ADARB2: variants seen among roughly 807,000 people sequenced by gnomAD.
The protein encoded by ADARB2 is inactive double-stranded RNA-specific editase B2.
ADARB2 carries 25 observed loss-of-function variants against 62.2 expected under a neutral mutation model. The ratio of observed to expected loss-of-function variants is 0.40; its 90% CI spans 0.29 to 0.56. The LOEUF is 0.56. Among genes scored for constraint, ADARB2 ranks in the 20% least tolerant of loss-of-function variants. The pLI, the probability that ADARB2 is intolerant of heterozygous loss-of-function variation, is 0.43. For missense variants in ADARB2, 1,071 were observed against 1,077.4 expected (o/e 0.99, Z 0.08); for synonymous variants, 572 against 500.8 (o/e 1.14, Z -1.90).
chr10:1,362,529 T>C (rs1220598941), intron 3 of ADARB2, among the ~76,000 whole-genome samples: 1 of 151,718 alleles, frequency 6.6e-6, no homozygotes, highest in Non-Finnish European at 1.5e-5. Flanking sequence ...CCGGGCAGAG[T>C]GAGGCCCAGC....
At chr10:1,472,405 TGAG>T (rs1005950358) in intron 1 of ADARB2, among the ~76,000 whole-genome samples, 3 of 150,932 alleles carry the variant, frequency 2.0e-5, no homozygotes, top group African/African-American at 7.3e-5. Flanking sequence ...CAGCCAGGTG[TGAG>T]GAGGTCTGGG....
At chr10:1,578,812 C>T (rs1433167819) in intron 1 of ADARB2, among the ~76,000 whole-genome samples, 3 of 152,162 alleles carry the variant, frequency 2.0e-5, no homozygotes. Flanking sequence ...TATGCACACA[C>T]ACGCATATAC....
intron 8 of ADARB2, chr10:1,188,279 G>T (rs1836790387): frequency 6.6e-6 from 1 of 152,268 alleles, no homozygotes; most frequent in Non-Finnish European, 1.5e-5. Context: ...GGATTTGAAG[G>T]CCAACTGCAG....
At chr10:1,298,029 C>T (rs1283262080) in intron 3 of ADARB2, among the ~76,000 whole-genome samples, 8 of 152,204 alleles carry the variant, frequency 5.3e-5, no homozygotes, top group Non-Finnish European at 1.2e-4. Context: ...GGCTGAGGAG[C>T]TCTCACAAAC....
At chr10:1,214,581 G>A (rs888839280) in intron 7 of ADARB2, among the ~76,000 whole-genome samples, 1 of 152,268 alleles carries the variant, frequency 6.6e-6, no homozygotes, top group Non-Finnish European at 1.5e-5. Flanking sequence ...TCGCACCTGT[G>A]TTTAGTCCAC....
At chr10:1,195,910 C>A (rs369199096) in intron 8 of ADARB2, among the ~76,000 whole-genome samples, 2 of 152,268 alleles carry the variant, frequency 1.3e-5, no homozygotes, top group Admixed American at 6.5e-5. Context: ...TGAATCGAGG[C>A]CCATGTGATT....
intron 1 of ADARB2, among the ~76,000 whole-genome samples, chr10:1,494,419 C>T (rs1473729035): frequency 1.3e-5 from 2 of 152,114 alleles, no homozygotes; most frequent in African/African-American, 4.8e-5. Context: ...GTTGGTGAAC[C>T]TGTTTGATTA....
At chr10:1,654,741 G>A (rs11250705) in intron 1 of ADARB2, among the ~76,000 whole-genome samples, 45,624 of 152,210 alleles carry the variant, frequency 0.3, 7,593 homozygotes, top group East Asian at 0.41. Flanking sequence ...TTTGGTAATG[G>A]CAGCAATGTC....
At chr10:1,624,517 C>T (rs76833941) in intron 1 of ADARB2, among the ~76,000 whole-genome samples, 14,428 of 152,216 alleles carry the variant, frequency 0.095, 829 homozygotes, top group Non-Finnish European at 0.13. Flanking sequence ...ACTGTCATTT[C>T]CTGCGACAAC....
intron 1 of ADARB2, among the ~76,000 whole-genome samples, chr10:1,713,167 G>A (rs558223271): frequency 2.0e-5 from 3 of 152,282 alleles, no homozygotes; most frequent in Non-Finnish European, 2.9e-5. Flanking sequence ...CCTGGGTGCC[G>A]GCGAGGGGAC....
At chr10:1,624,144 G>T (rs1294240535) in intron 1 of ADARB2, among the ~76,000 whole-genome samples, 2 of 152,106 alleles carry the variant, frequency 1.3e-5, no homozygotes, top group Non-Finnish European at 2.9e-5. Context: ...TGAGGTGGGG[G>T]TATCACCTGA....
rs567979098 is a variant in ADARB2 at position 1,663,285 on chromosome 10, A to T, written c.100+73766T>A. 2.3e-4 allele frequency among the ~76,000 whole-genome samples: 35 copies of T among 152,294 alleles called. 2 individuals carry two copies. In the East Asian group the frequency reaches 6.6e-3, roughly 29 times the overall value. ...CATTGATTACGACTGATGAAGCAGT[A>T]TTGATGCATTATTATTGGCTCTATT... On this transcript the variant is annotated intron_variant, in intron 1 of 9. Coordinates refer to ENST00000381312, the MANE Select transcript of ADARB2 (RefSeq NM_018702.4).
chr10:1,359,925 T>G (rs189042097), intron 3 of ADARB2, among the ~76,000 whole-genome samples: 2 of 152,226 alleles, frequency 1.3e-5, no homozygotes, highest in Non-Finnish European at 2.9e-5. Context: ...CACCATCACA[T>G]TGGAAACTTT....
At chr10:1,504,456 G>A (rs1473553037) in intron 1 of ADARB2, among the ~76,000 whole-genome samples, 3 of 109,608 alleles carry the variant, frequency 2.7e-5, no homozygotes, top group Middle Eastern at 6.0e-3. Context: ...TTGCAGACAC[G>A]TGTGTACGCG....
intron 1 of ADARB2, among the ~76,000 whole-genome samples, chr10:1,423,378 T>G (rs2131886029): frequency 6.6e-6 from 1 of 152,308 alleles, no homozygotes; most frequent in East Asian, 1.9e-4. Flanking sequence ...TAGAAACCCC[T>G]CCGGCCTCCT....
intron 1 of ADARB2, among the ~76,000 whole-genome samples, chr10:1,510,110 C>T (rs7899806): frequency 0.015 from 1,572 of 106,058 alleles, 57 homozygotes; most frequent in Admixed American, 0.078. Context: ...CTTTCTTTCT[C>T]TCTTTCTTTC....
At chr10:1,303,912 G>C (rs1038726790) in intron 3 of ADARB2, among the ~76,000 whole-genome samples, 2 of 152,148 alleles carry the variant, frequency 1.3e-5, no homozygotes, top group African/African-American at 4.8e-5. Context: ...ACCAGCCACT[G>C]CAAAATCATG....
At chr10:1,271,767 C>T (rs1831265661) in intron 3 of ADARB2, among the ~76,000 whole-genome samples, 3 of 152,210 alleles carry the variant, frequency 2.0e-5, no homozygotes, top group Admixed American at 2.0e-4. Flanking sequence ...CGCCCTTTCC[C>T]CGGCTCCTCT....
At chr10:1,512,296 C>G (rs1288947482) in intron 1 of ADARB2, among the ~76,000 whole-genome samples, 1 of 152,160 alleles carries the variant, frequency 6.6e-6, no homozygotes, top group Admixed American at 6.5e-5. Context: ...GATGTCAATG[C>G]TGTCTACACT....
Sources: allele counts gnomAD v4.1 joint callset (sites outside exome capture counted in the v4.1 genomes callset), GRCh38; gene constraint gnomAD v4.1.1; transcripts MANE v1.5; gene names NCBI Gene and HGNC (gene_info 2026-07-23, HGNC 2026-07-21).